The following UMAD1 variants were observed in gnomAD, a reference collection of about 807,000 sequenced individuals.
UMAD1 encodes the protein UBAP1-MVB12-associated (UMA) domain containing 1.
UMAD1 carries 8 observed loss-of-function variants against 6.1 expected under a neutral mutation model. The ratio of observed to expected loss-of-function variants is 1.30; its 90% CI spans 0.76 to 2.35. UMAD1 has a LOEUF of 2.35. Ranked by LOEUF, UMAD1 falls within the 30% of genes most tolerant of loss-of-function variation. UMAD1 has a pLI of 0.00. For synonymous variants in UMAD1, 56 were observed against 31.4 expected, an observed-to-expected ratio of 1.78 and a Z score of -2.61; for missense variants, 130 against 78.4, an observed-to-expected ratio of 1.66 and a Z score of -2.49.
intron 1 of UMAD1, among the ~76,000 whole-genome samples, chr7:7,643,793 A>T (rs1402376347): frequency 2.0e-5 from 3 of 151,212 alleles, no homozygotes; most frequent in Non-Finnish European, 4.4e-5. Flanking sequence ...TAACCTTCAC[A>T]TTCCCGCTTG....
intron 3 of UMAD1, among the ~76,000 whole-genome samples, chr7:7,803,279 C>T (rs567895331): frequency 1.3e-5 from 2 of 152,208 alleles, no homozygotes; most frequent in South Asian, 2.1e-4. Context: ...AGTTTGAGAC[C>T]GGCCTGGGCA....
At chr7:7,818,031 T>G (rs921191803) in intron 3 of UMAD1, among the ~76,000 whole-genome samples, 1 of 152,148 alleles carries the variant, frequency 6.6e-6, no homozygotes, top group African/African-American at 2.4e-5. Context: ...GATGTGCAGG[T>G]TTGTTACATA....
intron 2 of UMAD1, among the ~76,000 whole-genome samples, chr7:7,767,210 C>T (rs1299221274): frequency 4.7e-5 from 7 of 149,606 alleles, no homozygotes; most frequent in Admixed American, 1.4e-4. Context: ...CTGCAAGCTC[C>T]GCCTCCCGGG....
At chr7:7,750,869 A>G (rs1339342620) in intron 2 of UMAD1, among the ~76,000 whole-genome samples, 2 of 152,176 alleles carry the variant, frequency 1.3e-5, no homozygotes, top group African/African-American at 2.4e-5. Flanking sequence ...TTCTAATCCT[A>G]TTGCTGGATT....
intron 2 of UMAD1, among the ~76,000 whole-genome samples, chr7:7,791,034 C>T (rs755834168): frequency 6.6e-6 from 1 of 152,126 alleles, no homozygotes; most frequent in East Asian, 1.9e-4. Flanking sequence ...GGACCAGAGG[C>T]CCACACCACC....
intron 3 of UMAD1, among the ~76,000 whole-genome samples, chr7:7,870,138 T>C (rs1051462288): frequency 6.6e-6 from 1 of 152,196 alleles, no homozygotes; most frequent in Non-Finnish European, 1.5e-5. Flanking sequence ...GAACAAGAAA[T>C]AGTTTTTATA....
At chr7:7,703,761 G>A (rs938931483) in intron 2 of UMAD1, among the ~76,000 whole-genome samples, 70 of 152,206 alleles carry the variant, frequency 4.6e-4, no homozygotes, top group Middle Eastern at 3.4e-3. Context: ...GCAACGTGGC[G>A]AAACCCCGTT....
intron 2 of UMAD1, among the ~76,000 whole-genome samples, chr7:7,760,493 T>TAA (rs991026182): frequency 1.3e-5 from 2 of 151,484 alleles, no homozygotes; most frequent in Non-Finnish European, 2.9e-5. Context: ...CACCAATAGA[T>TAA]AACTGGAATA....
chr7:7,866,664 C>T (rs927489318), intron 3 of UMAD1, among the ~76,000 whole-genome samples: 4 of 152,072 alleles, frequency 2.6e-5, no homozygotes, highest in Non-Finnish European at 4.4e-5. Context: ...TGGTTAACAG[C>T]GGATAGCTTG....
chr7:7,719,861 A>G (rs1225438348), intron 2 of UMAD1, among the ~76,000 whole-genome samples: 1 of 152,220 alleles, frequency 6.6e-6, no homozygotes, highest in Non-Finnish European at 1.5e-5. Context: ...CAAACAAGAG[A>G]TGGTAAATCA....
chr7:7,765,694 G>T (rs1450256601), intron 2 of UMAD1, among the ~76,000 whole-genome samples: 4 of 152,004 alleles, frequency 2.6e-5, no homozygotes, highest in Admixed American at 2.0e-4. Flanking sequence ...CAATACTTTT[G>T]TTGACTGAGA....
intron 3 of UMAD1, among the ~76,000 whole-genome samples, chr7:7,837,919 G>T (rs147675289): frequency 4.7e-4 from 71 of 152,160 alleles, no homozygotes; most frequent in African/African-American, 1.6e-3. Flanking sequence ...GAACTTTAAG[G>T]CAAAAGGTGT....
At chr7:7,676,179 G>T (rs1356753885) in intron 2 of UMAD1, 3 of 398,494 alleles carry the variant, frequency 7.5e-6, no homozygotes, top group Non-Finnish European at 1.3e-5. Flanking sequence ...TGGCTTCGTG[G>T]CTCCACGACT....
intron 3 of UMAD1, among the ~76,000 whole-genome samples, chr7:7,815,370 T>C (rs1783106223): frequency 6.6e-6 from 1 of 152,004 alleles, no homozygotes; most frequent in Non-Finnish European, 1.5e-5. Context: ...TGGAAGGAAA[T>C]TATGGTTAAT....
chr7:7,850,951 G>C (rs1783903857), intron 3 of UMAD1, among the ~76,000 whole-genome samples: 1 of 151,944 alleles, frequency 6.6e-6, no homozygotes, highest in Admixed American at 6.6e-5. Flanking sequence ...AAAAATATTT[G>C]GGGAAAAAAT....
intron 2 of UMAD1, among the ~76,000 whole-genome samples, chr7:7,731,867 A>G (rs1386422423): frequency 6.6e-6 from 1 of 152,146 alleles, no homozygotes; most frequent in Non-Finnish European, 1.5e-5. Flanking sequence ...GTGGACACAG[A>G]CTGGCTTTGA....
chr7:7,656,785 G>A (rs543770153), intron 1 of UMAD1, among the ~76,000 whole-genome samples: 1 of 152,296 alleles, frequency 6.6e-6, no homozygotes, highest in East Asian at 1.9e-4. Flanking sequence ...ACGTGCGCAT[G>A]TGTCTTTATG....
intron 3 of UMAD1, among the ~76,000 whole-genome samples, chr7:7,874,539 G>T (rs941164388): frequency 3.9e-5 from 6 of 151,992 alleles, no homozygotes; most frequent in Non-Finnish European, 8.8e-5. Context: ...AAATCAGGCC[G>T]GGCACAGTGG....
chr7:7,696,570 A>G (rs1359857426), intron 2 of UMAD1, among the ~76,000 whole-genome samples: 1 of 152,146 alleles, frequency 6.6e-6, no homozygotes, highest in Non-Finnish European at 1.5e-5. Context: ...CTCCCCAGCT[A>G]TTAACCAGTG....
Sources: allele counts gnomAD v4.1 joint callset (sites outside exome capture counted in the v4.1 genomes callset), GRCh38; gene constraint gnomAD v4.1.1; transcripts MANE v1.5; gene names NCBI Gene and HGNC (gene_info 2026-07-23, HGNC 2026-07-21).